Variants in MARCHF6 observed in about 807,000 individuals in gnomAD.
The protein encoded by MARCHF6 is E3 ubiquitin-protein ligase MARCHF6.
Under a neutral mutation model 133.7 loss-of-function variants are expected in MARCHF6, and 31 were observed. That is an observed-to-expected ratio of 0.23 (90% CI 0.17 to 0.31). MARCHF6 has a LOEUF of 0.31. MARCHF6 is among the 10% of genes least tolerant of loss of function. MARCHF6 has a pLI of 1.00. For synonymous variants in MARCHF6, 395 were observed against 402.5 expected (o/e 0.98, Z 0.22); for missense variants, 723 against 1,121.6 (o/e 0.64, Z 5.08).
In MARCHF6 at chr5:10,353,772, C is replaced by G. The variant is rs954353351; in HGVS notation, c.-127C>G. 2 of 751,612 alleles carry G rather than the reference C, an allele frequency of 2.7e-6. No homozygotes were observed. Among genetic ancestry groups the G allele is most frequent in the Non-Finnish European group, 4.3e-6 (2 of 462,254 alleles). The allele number at this position is 751,612 out of a possible 1,614,324, so 46.6% of individuals were successfully genotyped here. A position where few individuals can be genotyped will look rare whatever the true frequency, so the allele number is the denominator to read the frequency against. Reference sequence around the variant, plus strand: ...TCTCCCTCTCCCCTCTCCTTCCTCTCGCTTCCTCTCTCGCACCTGAGCGTA... The same window carrying G: ...TCTCCCTCTCCCCTCTCCTTCCTCTGGCTTCCTCTCTCGCACCTGAGCGTA... On this transcript the variant is annotated 5_prime_UTR_variant, in exon 1 of 26. Coordinates refer to ENST00000274140, the MANE Select transcript of MARCHF6 (RefSeq NM_005885.4).
At position 10,394,067 on chromosome 5, in the gene MARCHF6, C is replaced by G; in HGVS notation, c.767-15C>G. On this transcript the variant is annotated splice_polypyrimidine_tract_variant and intron_variant, in intron 7 of 25. Coordinates refer to ENST00000274140, the MANE Select transcript of MARCHF6 (RefSeq NM_005885.4). Reference sequence around the variant, plus strand: ...TTTACTTCAAGTAATCTTTAAATTGCAATTATATTTTCAGATGACATGAAT... The same window carrying G: ...TTTACTTCAAGTAATCTTTAAATTGGAATTATATTTTCAGATGACATGAAT... 6.9e-7 allele frequency: 1 copy of G among 1,451,342 alleles called. No homozygotes were observed. The highest frequency in any genetic ancestry group is 9.3e-7 in the Non-Finnish European group (1 of 1,079,398). 89.9% of individuals were successfully genotyped at this position (1,451,342 alleles called of 1,614,324 possible).
At position 10,411,519 on chromosome 5, in the gene MARCHF6, T is replaced by C. The variant is rs375078527; in HGVS notation, c.1878T>C (p.Pro626=). The C allele has an allele frequency of 6.2e-7, 1 of 1,613,708 alleles. No homozygotes were observed. ...GPVGFQPYRR[P]LNFPLRIFLL... is the part of the protein sequence containing the mutation. ...TTGGCTTTCAGCCTTACCGCCGACC[T>C]TTAAATTTTCCACTCAGGGTAGGTG... is the stretch of plus-strand genomic sequence containing the variant. Residue 626 remains proline, a synonymous_variant, in exon 19 of 26, where the codon CCT becomes CCC. Transcript: ENST00000274140.
chr5:10,394,853 G>A, intron 9 of MARCHF6, 68 bp downstream of exon 9: 1 of 990,956 alleles, frequency 1.0e-6, no homozygotes, highest in Non-Finnish European at 1.5e-6. Context: ...AGGCTGGACT[G>A]CAGTGGCGTG....
intron 9 of MARCHF6, among the ~76,000 whole-genome samples, chr5:10,395,808 C>A (rs187657615): frequency 2.0e-4 from 31 of 152,288 alleles, no homozygotes; most frequent in Admixed American, 2.0e-3. Flanking sequence ...CTCAGGCTGG[C>A]TCCAGATGTT....
At position 10,388,270 on chromosome 5, in the gene MARCHF6, GT is replaced by G. The variant is rs927680721; in HGVS notation, c.407+1207del. 4.7e-4 allele frequency among the ~76,000 whole-genome samples: 71 copies of G among 152,238 alleles called. 1 individual carries two copies. The highest frequency in any genetic ancestry group is 1.6e-3 in the African/African-American group (67 of 41,558). ...GGCTTGGTTTTAGCTGTCTTTTACA[GT>G]TTGAAAAATTGAGCCAGTTTTTCTG... On this transcript the variant is annotated intron_variant, in intron 5 of 25. Transcript: ENST00000274140.
chr5:10,408,204 CCATT>C (rs1446213967), intron 17 of MARCHF6, among the ~76,000 whole-genome samples: 1 of 152,204 alleles, frequency 6.6e-6, no homozygotes, highest in Non-Finnish European at 1.5e-5. Flanking sequence ...CTCTTGCTCT[CCATT>C]CATCCGCAAC....
intron 1 of MARCHF6, among the ~76,000 whole-genome samples, chr5:10,361,295 G>A (rs1408240682): frequency 6.6e-6 from 1 of 152,182 alleles, no homozygotes; most frequent in Non-Finnish European, 1.5e-5. Context: ...TATTGTTTTA[G>A]TTTGCAGGGG....
chr5:10,421,817 TC>T (rs1176594869), intron 22 of MARCHF6: 2 of 152,220 alleles, frequency 1.3e-5, no homozygotes, highest in Non-Finnish European at 2.9e-5. Context: ...TGGAGGGCTA[TC>T]CCAAAGGTCT....
chr5:10,394,716 A>C (rs762045456), intron 8 of MARCHF6, 37 bp from the exon 9 acceptor site: 3 of 1,530,812 alleles, frequency 2.0e-6, no homozygotes, highest in Admixed American at 3.6e-5. Context: ...GTTCTGTTGC[A>C]TCTTAAATTA....
intron 4 of MARCHF6, among the ~76,000 whole-genome samples, chr5:10,382,566 G>T (rs1488223394): frequency 6.6e-6 from 1 of 151,826 alleles, no homozygotes; most frequent in African/African-American, 2.4e-5. Flanking sequence ...GGTGACTCAC[G>T]CCTGTAATCC....
chr5:10,365,293 AATT>A (rs916041154), intron 1 of MARCHF6, among the ~76,000 whole-genome samples: 3 of 151,378 alleles, frequency 2.0e-5, no homozygotes, highest in Non-Finnish European at 3.0e-5. Context: ...AGAGAATTGG[AATT>A]ATTATTATTA....
Position 10,402,513 on chromosome 5 carries a change from G to A in MARCHF6, c.1123-20G>A, listed in dbSNP as rs751831452. The A allele has an allele frequency of 2.0e-5, 33 of 1,612,794 alleles. No individual in the cohort carries two copies. Among genetic ancestry groups the A allele is most frequent in the Non-Finnish European group, 2.7e-5 (32 of 1,179,038 alleles). ...TCTCCTACATTTGGGTGATACTGATGACCTTTATTTTCACTTAAGGTCTCT... is the reference window on the plus strand; with the variant it reads ...TCTCCTACATTTGGGTGATACTGATAACCTTTATTTTCACTTAAGGTCTCT... On this transcript the variant is annotated intron_variant, in intron 13 of 25. Coordinates refer to ENST00000274140, the MANE Select transcript of MARCHF6 (RefSeq NM_005885.4).
At chr5:10,405,743 GTTT>G in intron 16 of MARCHF6, 66 bp downstream of exon 16, 1 of 1,418,422 alleles carries the variant, frequency 7.1e-7, no homozygotes, top group East Asian at 2.5e-5. Context: ...TTTTGTTTAG[GTTT>G]TTTTTTCCAG....
chr5:10,424,334 G>T (rs921347837), intron 23 of MARCHF6, among the ~76,000 whole-genome samples: 35 of 152,152 alleles, frequency 2.3e-4, no homozygotes, highest in African/African-American at 7.2e-4. Context: ...GGCCCAGAAA[G>T]GCCCAAAGCT....
At chr5:10,374,472 G>T (rs545996205) in intron 1 of MARCHF6, among the ~76,000 whole-genome samples, 2 of 152,258 alleles carry the variant, frequency 1.3e-5, no homozygotes, top group East Asian at 3.9e-4. Flanking sequence ...GTTCAAAGTA[G>T]CGTGGGCTGC....
chr5:10,411,814 G>A (rs1334781134), intron 19 of MARCHF6, among the ~76,000 whole-genome samples: 3 of 152,214 alleles, frequency 2.0e-5, no homozygotes, highest in Non-Finnish European at 2.9e-5. Context: ...TTTCAACAGT[G>A]TGTCAGGAAC....
In MARCHF6 at chr5:10,436,320, G is replaced by A. The variant is rs943764190; in HGVS notation, c.*2636G>A. On this transcript the variant is annotated 3_prime_UTR_variant, in exon 26 of 26. Transcript: ENST00000274140. The stretch of plus-strand genomic sequence containing the variant: ...TAGTTTTTCAATTGTACTTTATCGT[G>A]TTGTTTTCAATGAGATAAGTATTTT... The A allele has an allele frequency of 7.2e-5, 11 of 152,124 alleles. No homozygotes were observed. The highest frequency in any genetic ancestry group is 2.1e-4 in the South Asian group (1 of 4,818). 9.4% of individuals were successfully genotyped at this position (152,124 alleles called of 1,614,324 possible).
At chr5:10,431,004 G>A (rs78121683) in intron 25 of MARCHF6, among the ~76,000 whole-genome samples, 3,608 of 152,316 alleles carry the variant, frequency 0.024, 82 homozygotes, top group Non-Finnish European at 0.037. Flanking sequence ...AGTCGGCCAA[G>A]AGAGTCCCAG....
chr5:10,377,928 G>C (rs1736888241), intron 2 of MARCHF6, 34 bp downstream of exon 2: 1 of 1,325,396 alleles, frequency 7.5e-7, no homozygotes, highest in African/African-American at 1.4e-5. Context: ...ATGTAAGTCT[G>C]AGCTTCAGTT....
Sources: allele counts gnomAD v4.1 joint callset (sites outside exome capture counted in the v4.1 genomes callset), GRCh38; gene constraint gnomAD v4.1.1; transcripts MANE v1.5; gene names NCBI Gene and HGNC (gene_info 2026-07-23, HGNC 2026-07-21).